CNTNAP2: variants seen among roughly 807,000 people sequenced by gnomAD.
The protein encoded by CNTNAP2 is contactin-associated protein-like 2.
A neutral mutation model predicts 155.2 loss-of-function variants in CNTNAP2; 98 were observed. That is an observed-to-expected ratio of 0.63 (90% CI 0.54 to 0.75). CNTNAP2 has a LOEUF of 0.75. CNTNAP2 is among the 30% of genes least tolerant of loss of function. The pLI, the probability that CNTNAP2 is intolerant of heterozygous loss-of-function variation, is 0.00. For missense variants in CNTNAP2, 1,727 were observed against 1,688.1 expected, an observed-to-expected ratio of 1.02 and a Z score of -0.40; for synonymous variants, 651 against 631.2, an observed-to-expected ratio of 1.03 and a Z score of -0.47.
At chr7:146,908,335 C>G (rs1326321743) in intron 3 of CNTNAP2, among the ~76,000 whole-genome samples, 1 of 149,780 alleles carries the variant, frequency 6.7e-6, no homozygotes, top group South Asian at 2.1e-4. Context: ...CACCCCAAAT[C>G]AACAGAATAT....
chr7:146,548,608 A>C (rs1370797058), intron 1 of CNTNAP2, among the ~76,000 whole-genome samples: 2 of 151,988 alleles, frequency 1.3e-5, no homozygotes, highest in Non-Finnish European at 2.9e-5. Context: ...AGCAATCTTC[A>C]TAGGCCTTTG....
intron 9 of CNTNAP2, among the ~76,000 whole-genome samples, chr7:147,392,603 C>A (rs534554648): frequency 6.6e-6 from 1 of 151,938 alleles, no homozygotes; most frequent in Non-Finnish European, 1.5e-5. Flanking sequence ...TGAGAACATA[C>A]GATGTTTGGT....
At chr7:146,747,819 G>C (rs1332683980) in intron 1 of CNTNAP2, among the ~76,000 whole-genome samples, 2 of 152,012 alleles carry the variant, frequency 1.3e-5, no homozygotes, top group Non-Finnish European at 2.9e-5. Context: ...AGATAATTAT[G>C]GACTGAATAT....
At chr7:146,437,213 C>T (rs1321646636) in intron 1 of CNTNAP2, among the ~76,000 whole-genome samples, 1 of 151,416 alleles carries the variant, frequency 6.6e-6, no homozygotes, top group East Asian at 1.9e-4. Flanking sequence ...GGGTGGAACA[C>T]TTTCATCCTG....
intron 18 of CNTNAP2, among the ~76,000 whole-genome samples, chr7:148,182,267 T>C (rs1585172756): frequency 2.0e-5 from 3 of 152,310 alleles, no homozygotes. Flanking sequence ...TCTATACATT[T>C]CTTTTCTTTT....
chr7:148,193,829 C>T (rs1047571702), intron 18 of CNTNAP2, among the ~76,000 whole-genome samples: 10 of 151,940 alleles, frequency 6.6e-5, no homozygotes, highest in Admixed American at 3.3e-4. Flanking sequence ...TCCATGGAGC[C>T]TCCCATTGTT....
chr7:147,628,050 A>G (rs913703981), intron 12 of CNTNAP2, among the ~76,000 whole-genome samples: 1 of 152,088 alleles, frequency 6.6e-6, no homozygotes, highest in African/African-American at 2.4e-5. Flanking sequence ...AAAGTTTGGA[A>G]AGCATATTTG....
chr7:148,340,117 CT>C (rs1244855309), intron 21 of CNTNAP2, among the ~76,000 whole-genome samples: 1 of 151,942 alleles, frequency 6.6e-6, no homozygotes, highest in East Asian at 1.9e-4. Flanking sequence ...ATTTTTGAGA[CT>C]TGTTTAAAGA....
At chr7:146,740,526 C>T (rs1425856312) in intron 1 of CNTNAP2, among the ~76,000 whole-genome samples, 2 of 152,104 alleles carry the variant, frequency 1.3e-5, no homozygotes, top group Non-Finnish European at 2.9e-5. Context: ...CTTTGTACTT[C>T]TATGTCAAAG....
intron 1 of CNTNAP2, among the ~76,000 whole-genome samples, chr7:146,711,669 C>T (rs535853978): frequency 1.6e-4 from 24 of 147,884 alleles, no homozygotes; most frequent in South Asian, 1.5e-3. Context: ...GAAGCTATTT[C>T]GTATATATCT....
intron 3 of CNTNAP2, among the ~76,000 whole-genome samples, chr7:146,878,836 A>G (rs1490464831): frequency 1.3e-5 from 2 of 152,088 alleles, no homozygotes; most frequent in Non-Finnish European, 2.9e-5. Context: ...CCCCATTGAA[A>G]TGTCCAACTC....
At chr7:147,186,795 A>T (rs1417505340) in intron 8 of CNTNAP2, among the ~76,000 whole-genome samples, 2 of 152,190 alleles carry the variant, frequency 1.3e-5, no homozygotes, top group East Asian at 3.9e-4. Context: ...TGGCAGAAGC[A>T]GAGGGAAGTG....
At chr7:148,066,532 C>T (rs1803266823) in intron 15 of CNTNAP2, among the ~76,000 whole-genome samples, 1 of 151,944 alleles carries the variant, frequency 6.6e-6, no homozygotes, top group Admixed American at 6.6e-5. Context: ...GAGTCTCACT[C>T]TTTCGCCCAG....
At chr7:147,783,209 A>C (rs75042940) in intron 13 of CNTNAP2, among the ~76,000 whole-genome samples, 1,663 of 152,294 alleles carry the variant, frequency 0.011, 98 homozygotes, top group Admixed American at 0.087. Flanking sequence ...TAAGTTGGGA[A>C]TTGTGTGCCC....
intron 13 of CNTNAP2, among the ~76,000 whole-genome samples, chr7:147,822,789 C>T (rs905160354): frequency 6.6e-6 from 1 of 152,136 alleles, no homozygotes; most frequent in Admixed American, 6.6e-5. Context: ...GCTAAGACAG[C>T]ATTTTCAGTC....
chr7:147,056,846 C>T (rs1302252335), intron 4 of CNTNAP2, among the ~76,000 whole-genome samples: 4 of 152,170 alleles, frequency 2.6e-5, no homozygotes, highest in African/African-American at 9.7e-5. Context: ...TCATGACTCA[C>T]TGTAGCCTCG....
chr7:147,590,008 G>A (rs1050133544), intron 12 of CNTNAP2, among the ~76,000 whole-genome samples: 3 of 152,060 alleles, frequency 2.0e-5, no homozygotes, highest in Non-Finnish European at 4.4e-5. Flanking sequence ...TTCTTTGGCA[G>A]CTACTGAACT....
At chr7:146,616,725 A>G (rs189536979) in intron 1 of CNTNAP2, among the ~76,000 whole-genome samples, 2 of 152,182 alleles carry the variant, frequency 1.3e-5, no homozygotes, top group African/African-American at 2.4e-5. Context: ...TCTAATGTCA[A>G]CTTTCCCACT....
chr7:147,775,521 C>G (rs1294990665), intron 13 of CNTNAP2, among the ~76,000 whole-genome samples: 1 of 147,978 alleles, frequency 6.8e-6, no homozygotes, highest in Non-Finnish European at 1.5e-5. Flanking sequence ...AAATTTTCTG[C>G]TGGTACAATT....
Sources: allele counts gnomAD v4.1 joint callset (sites outside exome capture counted in the v4.1 genomes callset), GRCh38; gene constraint gnomAD v4.1.1; transcripts MANE v1.5; gene names NCBI Gene and HGNC (gene_info 2026-07-23, HGNC 2026-07-21).